The following BRSK1 variants were observed in gnomAD, a reference collection of about 807,000 sequenced individuals.
BRSK1 encodes the protein BR serine/threonine kinase 1, also known as serine/threonine-protein kinase BRSK1.
In BRSK1, 17 loss-of-function variants were observed where a neutral mutation model predicts 86.2. The ratio of observed to expected loss-of-function variants is 0.20; its 90% CI spans 0.14 to 0.30. The LOEUF (loss-of-function observed/expected upper bound fraction) is 0.30, where lower values mean the gene tolerates loss of function less well. Among genes scored for constraint, BRSK1 ranks in the 10% least tolerant of loss-of-function variants. BRSK1 has a pLI of 1.00. For synonymous variants in BRSK1, 464 were observed against 440.1 expected, an observed-to-expected ratio of 1.05 and a Z score of -0.68; for missense variants, 719 against 1,071.9, an observed-to-expected ratio of 0.67 and a Z score of 4.60.
intron 17 of BRSK1, among the ~76,000 whole-genome samples, chr19:55,308,004 TTTG>T (rs1018673005): frequency 9.4e-5 from 14 of 149,608 alleles, no homozygotes; most frequent in African/African-American, 2.8e-4. Flanking sequence ...TTTCTTTTTT[TTTG>T]TTGTTGTTGT....
chr19:55,308,587 T>G, intron 17 of BRSK1, 52 bp from the exon 18 acceptor site: 7 of 1,447,788 alleles, frequency 4.8e-6, no homozygotes, highest in Admixed American at 1.7e-5. Flanking sequence ...TGGGACGGCC[T>G]TCCCGGTCCT....
intron 7 of BRSK1, among the ~76,000 whole-genome samples, chr19:55,299,370 G>C (rs947800825): frequency 7.9e-6 from 1 of 126,840 alleles, no homozygotes; most frequent in African/African-American, 2.9e-5. Context: ...AATTTGTTTT[G>C]GTTTTTTTTT....
In BRSK1 at chr19:55,305,246, C is replaced by A; in HGVS notation, c.1718-75C>A. The A allele has an allele frequency of 1.3e-6, 2 of 1,563,258 alleles. 1 individual carries two copies. The highest frequency in any genetic ancestry group is 4.4e-4 in the Middle Eastern group (2 of 4,586). ...AAGGCTCTGGAACCCTGGGAGGGGG[C>A]GAGTGCAGGCCTGTGTGCTGGCAAC... On this transcript the variant is annotated intron_variant, in intron 14 of 18. Transcript: ENST00000309383.
At chr19:55,292,212 C>T (rs1424580414) in intron 4 of BRSK1, among the ~76,000 whole-genome samples, 1 of 152,228 alleles carries the variant, frequency 6.6e-6, no homozygotes, top group African/African-American at 2.4e-5. Flanking sequence ...TACACTCCCT[C>T]TCTCCCCAGA....
intron 7 of BRSK1, 123 bp from the exon 8 acceptor site, chr19:55,301,389 C>A: frequency 1.6e-6 from 2 of 1,258,012 alleles, no homozygotes; most frequent in Non-Finnish European, 2.2e-6. Context: ...TGGCAAATTG[C>A]TGAGCCTCTC....
chr19:55,311,818 C>T (rs553063502), intron 18 of BRSK1, 93 bp from the exon 19 acceptor site: 14 of 1,364,372 alleles, frequency 1.0e-5, no homozygotes, highest in African/African-American at 8.7e-5. Flanking sequence ...TTACTGAGAC[C>T]GACTGATGAG....
chr19:55,293,072 A>T (rs1440470211), intron 4 of BRSK1, among the ~76,000 whole-genome samples: 3 of 151,218 alleles, frequency 2.0e-5, no homozygotes, highest in Non-Finnish European at 3.0e-5. Flanking sequence ...AATAAAAAAC[A>T]AAATAGGCCG....
intron 3 of BRSK1, among the ~76,000 whole-genome samples, chr19:55,289,011 C>T (rs2088365546): frequency 6.6e-6 from 1 of 152,162 alleles, no homozygotes; most frequent in Non-Finnish European, 1.5e-5. Context: ...TTTGAGTTTC[C>T]TCACTCCAGA....
At position 55,298,209 on chromosome 19, in the gene BRSK1, CTTTTTTTTT is replaced by C. The variant is rs71181751; in HGVS notation, c.679-3285_679-3277del. On this transcript the variant is annotated intron_variant, in intron 7 of 18. Coordinates refer to ENST00000309383, the MANE Select transcript of BRSK1 (RefSeq NM_032430.2). ...GTTTATTCTTTTTTTTTTGTTTCTT[CTTTTTTTTT>C]TTTTTTTTTTTTTTTTTGAGATGAA... 1.8e-3 allele frequency among the ~76,000 whole-genome samples: 124 copies of C among 69,634 alleles called. 2 individuals carry two copies. The East Asian group carries it at 0.035, about 20-fold the overall frequency. The allele number at this position is 69,634 out of a possible 152,430, so 45.7% of individuals were successfully genotyped here.
chr19:55,293,994 T>C, intron 4 of BRSK1, 23 bp from the exon 5 acceptor site: 1 of 1,595,810 alleles, frequency 6.3e-7, no homozygotes, highest in Non-Finnish European at 8.6e-7. Context: ...GGAAGAGGCC[T>C]GAGTCCCACC....
chr19:55,285,886 TGTG>T (rs2088302701), intron 1 of BRSK1, among the ~76,000 whole-genome samples: 1 of 151,068 alleles, frequency 6.6e-6, no homozygotes, highest in African/African-American at 2.4e-5. Flanking sequence ...GTGGTAAGAG[TGTG>T]AAGGTGTTGC....
In BRSK1 at chr19:55,287,127, T is replaced by A; in HGVS notation, c.231+26T>A. The A allele has an allele frequency of 8.2e-7, 1 of 1,219,568 alleles. No homozygotes were observed. The highest frequency in any genetic ancestry group is 1.2e-5 in the South Asian group (1 of 83,970). The allele number at this position is 1,219,568 out of a possible 1,614,324, so 75.5% of individuals were successfully genotyped here. ...GTGTGTGCGCCTGCTGCAGTGTGCCTGCGGGTGGGGGGGCCTCCGGGGCTG... is the reference window on the plus strand; with the variant it reads ...GTGTGTGCGCCTGCTGCAGTGTGCCAGCGGGTGGGGGGGCCTCCGGGGCTG... On this transcript the variant is annotated intron_variant, in intron 2 of 18. Transcript: ENST00000309383. This position sits in a 1 kb window ranked among gnomAD's most constrained non-coding sequence, Gnocchi z 5.3.
At position 55,287,397 on chromosome 19, in the gene BRSK1, C is replaced by T; in HGVS notation, c.317+98C>T. The T allele has an allele frequency of 8.7e-6, 10 of 1,148,648 alleles. No homozygotes were observed. Among genetic ancestry groups the T allele is most frequent in the Non-Finnish European group, 1.3e-5 (10 of 774,440 alleles). 71.2% of individuals were successfully genotyped at this position (1,148,648 alleles called of 1,614,324 possible). On this transcript the variant is annotated intron_variant, in intron 3 of 18. Transcript: ENST00000309383. The surrounding 1 kb of genome is among the most constrained non-coding windows in gnomAD (Gnocchi z 5.3). Reference sequence around the variant, plus strand: ...ACAGGGCCTAGGGGGACCTGGGGGACCTGCAGCTCTCCAGGCTGGACCGCT... The same window carrying T: ...ACAGGGCCTAGGGGGACCTGGGGGATCTGCAGCTCTCCAGGCTGGACCGCT...
chr19:55,308,280 A>G (rs1000434213), intron 17 of BRSK1, among the ~76,000 whole-genome samples: 1 of 107,842 alleles, frequency 9.3e-6, no homozygotes, highest in African/African-American at 6.1e-5. Context: ...CCACATCGGC[A>G]TTCCAGAGTG....
chr19:55,295,334 G>A (rs1234055256), intron 7 of BRSK1, among the ~76,000 whole-genome samples: 1 of 152,172 alleles, frequency 6.6e-6, no homozygotes. Flanking sequence ...TGTTTCCCTG[G>A]TCGGTCTCAA....
chr19:55,289,764 TTCC>T, intron 4 of BRSK1, 144 bp downstream of exon 4: 1 of 1,090,780 alleles, frequency 9.2e-7, no homozygotes, highest in Admixed American at 2.9e-5. Context: ...CACCAGAAAA[TTCC>T]TCCTTTTAGA....
At position 55,304,826 on chromosome 19, in the gene BRSK1, C is replaced by T. The variant is rs1200366440; in HGVS notation, c.1623C>T (p.Gly541=). ...TPGTTPPPSP[G]GGVGGAAWRS... Reference sequence around the variant, plus strand: ...GGACAACACCACCCCCCAGCCCCGGCGGTGGCGTCGGGGGAGCCGCCTGGA... The same window carrying T: ...GGACAACACCACCCCCCAGCCCCGGTGGTGGCGTCGGGGGAGCCGCCTGGA... Residue 541 remains glycine, a synonymous_variant, in exon 14 of 19, where the codon GGC becomes GGT. Coordinates refer to ENST00000309383, the MANE Select transcript of BRSK1 (RefSeq NM_032430.2). This position sits in a 1 kb window ranked among gnomAD's most constrained non-coding sequence, Gnocchi z 5.2. 2 of 1,590,050 alleles carry T rather than the reference C, an allele frequency of 1.3e-6. No individual in the cohort carries two copies. Among genetic ancestry groups the T allele is most frequent in the Non-Finnish European group, 8.5e-7 (1 of 1,171,000 alleles).
chr19:55,308,676 C>T lies in BRSK1; in HGVS notation c.2127C>T (p.Ile709=). 1 of 1,608,458 alleles carries T rather than the reference C, an allele frequency of 6.2e-7. No individual in the cohort carries two copies. Among genetic ancestry groups the T allele is most frequent in the Middle Eastern group, 1.7e-4 (1 of 6,048 alleles). ...GGTTCAAGCGAGTGGTGGAGACCAT[C>T]CAGGCACAGCTCCTGAGCACTCATG... ...SRRFKRVVET[I]QAQLLSTHDQ... Residue 709 remains isoleucine (I), a synonymous_variant, in exon 18 of 19, where the codon ATC becomes ATT. Coordinates refer to ENST00000309383, the MANE Select transcript of BRSK1 (RefSeq NM_032430.2).
Position 55,295,422 on chromosome 19 carries a change from C to T in BRSK1, c.678+1025C>T, listed in dbSNP as rs570945070. Reference sequence around the variant, plus strand: ...ACATGCGTGAGGCCACCGAACCCAGCCCATCTCTCGAATATTTCACTGGTA... The same window carrying T: ...ACATGCGTGAGGCCACCGAACCCAGTCCATCTCTCGAATATTTCACTGGTA... On this transcript the variant is annotated intron_variant, in intron 7 of 18. Transcript: ENST00000309383. Among the ~76,000 whole-genome samples the T allele has an allele frequency of 1.2e-4, 18 of 152,324 alleles. No homozygotes were observed. The East Asian group carries it at 3.3e-3, about 28-fold the overall frequency.
Sources: allele counts gnomAD v4.1 joint callset (sites outside exome capture counted in the v4.1 genomes callset), GRCh38; gene constraint gnomAD v4.1.1; non-coding constraint Gnocchi (gnomAD v3.1); transcripts MANE v1.5; gene names NCBI Gene and HGNC (gene_info 2026-07-23, HGNC 2026-07-21).